DSE: variants seen among roughly 807,000 people sequenced by gnomAD.
The protein encoded by DSE is dermatan-sulfate epimerase.
DSE carries 36 observed loss-of-function variants against 84.4 expected under a neutral mutation model. The ratio of observed to expected loss-of-function variants is 0.43; its 90% CI spans 0.33 to 0.56. DSE has a LOEUF of 0.56. Among genes scored for constraint, DSE ranks in the 20% least tolerant of loss-of-function variants. The probability of loss-of-function intolerance (pLI) is 0.06; values close to 1 mark genes in which losing one functional copy is unlikely to be tolerated. For synonymous variants in DSE, 410 were observed against 430.1 expected, an observed-to-expected ratio of 0.95 and a Z score of 0.58; for missense variants, 862 against 1,169.6, an observed-to-expected ratio of 0.74 and a Z score of 3.84.
chr6:116,391,918 A>C lies in DSE; in HGVS notation c.-53-7280A>C, dbSNP rs567194200. Among the ~76,000 whole-genome samples the C allele has an allele frequency of 6.6e-5, 10 of 152,284 alleles. No homozygotes were observed. In the East Asian group the frequency reaches 1.9e-3, roughly 29 times the overall value. The stretch of plus-strand genomic sequence containing the variant: ...TTAGGATTTGACATATTTAAGAATA[A>C]GGTTAGATTTATTTCACTACAAAAA... On this transcript the variant is annotated intron_variant, in intron 1 of 5. Transcript: ENST00000644252.
intron 2 of DSE, among the ~76,000 whole-genome samples, chr6:116,426,305 A>G (rs1783447665): frequency 6.6e-6 from 1 of 152,160 alleles, no homozygotes; most frequent in South Asian, 2.1e-4. Flanking sequence ...ATATTCTACT[A>G]CTTCTTGTCA....
Position 116,437,274 on chromosome 6 carries a change from T to C in DSE, c.2806T>C (p.Tyr936His), listed in dbSNP as rs775568992. 10 of 1,614,124 alleles carry C rather than the reference T, an allele frequency of 6.2e-6. No individual in the cohort carries two copies. Among genetic ancestry groups the C allele is most frequent in the South Asian group, 1.1e-5 (1 of 91,076 alleles). ...AQSLHGQRCL[Y>H]AVLLIDSCIL... is the part of the protein sequence containing the mutation. ...GAGCCTACATGGCCAAAGATGTCTT[T>C]ATGCAGTTCTTCTCATAGATAGCTG... is the stretch of plus-strand genomic sequence containing the variant. Residue 936 changes from tyrosine to histidine, a missense_variant, in exon 6 of 6, where the codon TAT becomes CAT. Physicochemically the swap from Tyr to His is moderately conservative, Grantham distance 83. Transcript: ENST00000644252.
chr6:116,330,943 G>C (rs191909957), intron 2 of DSE, among the ~76,000 whole-genome samples: 1 of 152,254 alleles, frequency 6.6e-6, no homozygotes, highest in East Asian at 1.9e-4. Context: ...CACAAGTTGA[G>C]TTTGTTGCAA....
rs1562320032 is a variant in DSE, at chr6:116,440,891, G to A, written c.*3546G>A. The A allele has an allele frequency of 6.6e-6, 1 of 152,276 alleles. No homozygotes were observed. Among genetic ancestry groups the A allele is most frequent in the South Asian group, 2.1e-4 (1 of 4,820 alleles). The allele number at this position is 152,276 out of a possible 1,614,324, so 9.4% of individuals were successfully genotyped here. A position where few individuals can be genotyped will look rare whatever the true frequency, so the allele number is the denominator to read the frequency against. On this transcript the variant is annotated 3_prime_UTR_variant, in exon 6 of 6. Transcript: ENST00000644252. Reference sequence around the variant, plus strand: ...TTGAGACCCCTAAATCTACAGATGAGGAAAGCAAGCCTCAAGCAAGGGGGG... The same window carrying A: ...TTGAGACCCCTAAATCTACAGATGAAGAAAGCAAGCCTCAAGCAAGGGGGG...
chr6:116,435,972 G>A lies in DSE; in HGVS notation c.1504G>A (p.Val502Ile), dbSNP rs1784126826. ...CTGCTTTTCTCCCTGGGTGGGTCAG[G>A]TCACAGAAGACTGCTCATCAAAATG... ...KSCFSPWVGQ[V>I]TEDCSSKWSK... is the part of the protein sequence containing the mutation. The change falls in exon 6 of 6, where the codon GTC (valine) becomes ATC (isoleucine). Residue 502 changes from valine (V) to isoleucine (I), a missense_variant. This residue lies in a region of DSE where 186 missense variants were observed against 255.1 expected (regional missense o/e 0.73). Transcript: ENST00000644252. The A allele has an allele frequency of 1.9e-6, 3 of 1,614,040 alleles. No individual in the cohort carries two copies. Among genetic ancestry groups the A allele is most frequent in the Admixed American group, 1.7e-5 (1 of 59,994 alleles).
intron 2 of DSE, among the ~76,000 whole-genome samples, chr6:116,301,911 T>G (rs1462791538): frequency 6.6e-6 from 1 of 152,152 alleles, no homozygotes; most frequent in Non-Finnish European, 1.5e-5. Context: ...CTGTGTTAGT[T>G]TGCGGAGAAT....
intron 2 of DSE, among the ~76,000 whole-genome samples, chr6:116,363,110 T>C (rs1226267557): frequency 6.6e-6 from 1 of 152,220 alleles, no homozygotes; most frequent in Non-Finnish European, 1.5e-5. Context: ...TCAGGCAGAT[T>C]CATTTAAAGT....
intron 2 of DSE, chr6:116,412,822 T>C (rs1583197239): frequency 6.6e-6 from 1 of 152,156 alleles, no homozygotes; most frequent in East Asian, 1.9e-4. Flanking sequence ...TAATACTCAA[T>C]AGGAAGTTTC....
chr6:116,376,812 G>T (rs2114934097), intron 1 of DSE, among the ~76,000 whole-genome samples: 1 of 152,236 alleles, frequency 6.6e-6, no homozygotes, highest in East Asian at 1.9e-4. Flanking sequence ...TCTTGTTAGA[G>T]AAAATATAAC....
intron 2 of DSE, among the ~76,000 whole-genome samples, chr6:116,280,872 G>C (rs1773483788): frequency 6.6e-6 from 1 of 152,230 alleles, no homozygotes; most frequent in African/African-American, 2.4e-5. Flanking sequence ...AACTTGCAAA[G>C]GGCAACATGC....
Position 116,258,871 on chromosome 6 carries a change from T to G in DSE, c.-150T>G, listed in dbSNP as rs751124632. On this transcript the variant is annotated 5_prime_UTR_variant, in exon 2 of 4. Coordinates refer to the DSE transcript ENST00000430252. ...CACAGTCATGAGCTTCTTGCCGTTG[T>G]TGCAGCCGTGCATCATCATGGAGTT... The G allele has an allele frequency of 5.6e-6, 9 of 1,606,794 alleles. No homozygotes were observed. In the East Asian group the frequency reaches 2.0e-4, roughly 36 times the overall value.
rs182447466 is a variant in DSE at position 116,306,272 on chromosome 6, T to A, written c.-54+47305T>A. On this transcript the variant is annotated intron_variant, in intron 2 of 3. Coordinates refer to the DSE transcript ENST00000430252. ...AACTTTTAAAAACTCAATTTTTAGA[T>A]ATTGAACTTATGTAACTGTTATCCA... Among the ~76,000 whole-genome samples the A allele has an allele frequency of 2.1e-4, 32 of 152,334 alleles. No individual in the cohort carries two copies. The East Asian group carries it at 5.0e-3, about 24-fold the overall frequency.
chr6:116,293,473 T>A (rs1455548400), intron 2 of DSE, among the ~76,000 whole-genome samples: 1 of 152,058 alleles, frequency 6.6e-6, no homozygotes, highest in Non-Finnish European at 1.5e-5. Context: ...GGTTTCACCA[T>A]GATGGTTTGT....
At chr6:116,419,067 A>G (rs1489480329) in intron 2 of DSE, among the ~76,000 whole-genome samples, 1 of 152,174 alleles carries the variant, frequency 6.6e-6, no homozygotes, top group Admixed American at 6.5e-5. Flanking sequence ...AACACTTGGA[A>G]TATGGACGCC....
At chr6:116,420,456 C>T (rs1782997593) in intron 2 of DSE, among the ~76,000 whole-genome samples, 1 of 152,116 alleles carries the variant, frequency 6.6e-6, no homozygotes, top group Admixed American at 6.5e-5. Context: ...TTGCCTTATC[C>T]CCACACCATA....
intron 2 of DSE, among the ~76,000 whole-genome samples, chr6:116,270,981 A>G (rs1772854724): frequency 6.6e-6 from 1 of 152,236 alleles, no homozygotes; most frequent in African/African-American, 2.4e-5. Flanking sequence ...AGTTACTGAT[A>G]TATCTAATAA....
chr6:116,338,779 T>C (rs1428009244), intron 2 of DSE, among the ~76,000 whole-genome samples: 2 of 152,224 alleles, frequency 1.3e-5, no homozygotes, highest in Admixed American at 1.3e-4. Flanking sequence ...AGTCAAGTGT[T>C]GTACAGGGTG....
intron 3 of DSE, among the ~76,000 whole-genome samples, chr6:116,430,440 C>A (rs1245305199): frequency 1.3e-5 from 2 of 152,160 alleles, no homozygotes; most frequent in Admixed American, 1.3e-4. Flanking sequence ...CTCTTGCCAA[C>A]ATAAAGTTAT....
rs865931381 is a variant in DSE, at chr6:116,409,774, G to C, written c.416+10108G>C. On this transcript the variant is annotated intron_variant, in intron 2 of 5. Coordinates refer to ENST00000644252, the MANE Select transcript of DSE (RefSeq NM_013352.4). ...GACTGGGAAACTACAGTGTGTAATG[G>C]GAAGATCTAGGAATACTTTGCCCAA... Among the ~76,000 whole-genome samples, 4 of 152,280 alleles carry C rather than the reference G, an allele frequency of 2.6e-5. No homozygotes were observed. In the South Asian group the frequency reaches 8.3e-4, roughly 32 times the overall value.
Sources: allele counts gnomAD v4.1 joint callset (sites outside exome capture counted in the v4.1 genomes callset), GRCh38; gene constraint gnomAD v4.1.1; regional missense constraint gnomAD v4.1.1; transcripts MANE v1.5; gene names NCBI Gene and HGNC (gene_info 2026-07-23, HGNC 2026-07-21).